HSPG2: variants seen among roughly 807,000 people sequenced by gnomAD.
HSPG2 encodes the protein basement membrane-specific heparan sulfate proteoglycan core protein.
A neutral mutation model predicts 526.6 loss-of-function variants in HSPG2; 278 were observed. The observed-to-expected ratio is 0.53, with a 90% CI of 0.48 to 0.58. The LOEUF is 0.58. HSPG2 is among the 20% of genes least tolerant of loss of function. HSPG2 has a pLI of 0.00. For synonymous variants in HSPG2, 2,465 were observed against 2,555.4 expected (o/e 0.96, Z 1.07); for missense variants, 5,354 against 6,099.5 (o/e 0.88, Z 4.07).
At chr1:21,825,397 C>T (rs1038818064) in intron 91 of HSPG2, among the ~76,000 whole-genome samples, 14 of 152,214 alleles carry the variant, frequency 9.2e-5, no homozygotes, top group Admixed American at 7.9e-4. Flanking sequence ...ACCCCTCAGT[C>T]CGGAGCTACT....
At position 21,905,460 on chromosome 1, in the gene HSPG2, G is replaced by A. The variant is rs368015993; in HGVS notation, c.64-9150C>T. On this transcript the variant is annotated intron_variant, in intron 1 of 96. Coordinates refer to ENST00000374695, the MANE Select transcript of HSPG2 (RefSeq NM_005529.7). The stretch of plus-strand genomic sequence containing the variant: ...TTTGCTCCAATGTCACCTTTCAGCC[G>A]CGCATGGTCGGTGCCTCACGCCTAT... 3.9e-5 allele frequency among the ~76,000 whole-genome samples: 6 copies of A among 152,198 alleles called. No homozygotes were observed. The East Asian group carries it at 9.6e-4, about 24-fold the overall frequency.
At chr1:21,851,398 T>G in intron 55 of HSPG2, 148 bp downstream of exon 55, 1 of 1,163,752 alleles carries the variant, frequency 8.6e-7, no homozygotes, top group Non-Finnish European at 1.2e-6. Context: ...CAGTCCTAGA[T>G]TCTGGTTTCT....
intron 1 of HSPG2, chr1:21,908,589 T>TAAA: frequency 1.8e-6 from 1 of 568,418 alleles, no homozygotes; most frequent in Non-Finnish European, 3.1e-6. Flanking sequence ...AATAGGTATT[T>TAAA]AAAAAAAAAA....
intron 64 of HSPG2, among the ~76,000 whole-genome samples, chr1:21,845,675 G>C (rs765956608): frequency 2.0e-5 from 3 of 152,120 alleles, no homozygotes; most frequent in Admixed American, 6.6e-5. Context: ...TACCACACCG[G>C]CTCTAATAAA....
intron 39 of HSPG2, 123 bp from the exon 40 acceptor site, chr1:21,860,358 G>T (rs1639693237): frequency 1.2e-6 from 1 of 859,166 alleles, no homozygotes; most frequent in Non-Finnish European, 1.9e-6. Context: ...CGGAGCTCTG[G>T]AAGCACTTTG....
intron 1 of HSPG2, among the ~76,000 whole-genome samples, chr1:21,910,650 C>T (rs1306314570): frequency 6.6e-6 from 1 of 152,150 alleles, no homozygotes; most frequent in Non-Finnish European, 1.5e-5. Context: ...GCACCTGGCA[C>T]ACAGTAGGTG....
At chr1:21,899,461 G>C (rs1303367472) in intron 1 of HSPG2, among the ~76,000 whole-genome samples, 2 of 152,088 alleles carry the variant, frequency 1.3e-5, no homozygotes, top group African/African-American at 2.4e-5. Flanking sequence ...AGGTCTTATG[G>C]GGCTCCACTG....
rs767467512 is a variant in HSPG2, at chr1:21,824,334, C to G, written c.12787G>C (p.Gly4263Arg). The change falls in exon 94 of 97, where the codon GGG (glycine) becomes CGG (arginine). Residue 4263 changes from glycine to arginine, a missense_variant. Transcript: ENST00000374695. This position sits in a 1 kb window ranked among gnomAD's most constrained non-coding sequence, Gnocchi z 5.9. Reference sequence around the variant, plus strand: ...AAGACAAGGTGCCCGTCTTGAAGCCCGAGGCTGATGAAGTCCTTGCCTTGG... The same window carrying G: ...AAGACAAGGTGCCCGTCTTGAAGCCGGAGGCTGATGAAGTCCTTGCCTTGG... ...AGQGKDFISL[G>R]LQDGHLVFRY... is the part of the protein sequence containing the mutation. 1 of 1,613,878 alleles carries G rather than the reference C, an allele frequency of 6.2e-7. No homozygotes were observed. Among genetic ancestry groups the G allele is most frequent in the South Asian group, 1.1e-5 (1 of 91,086 alleles).
rs2152781039 is a variant in HSPG2 at position 21,904,723 on chromosome 1, C to T, written c.64-8413G>A. Among the ~76,000 whole-genome samples, 1 of 152,296 alleles carries T rather than the reference C, an allele frequency of 6.6e-6. No homozygotes were observed. Among genetic ancestry groups the T allele is most frequent in the South Asian group, 2.1e-4 (1 of 4,832 alleles). On this transcript the variant is annotated intron_variant, in intron 1 of 96. Transcript: ENST00000374695. This position sits in a 1 kb window ranked among gnomAD's most constrained non-coding sequence, Gnocchi z 4.4. The stretch of plus-strand genomic sequence containing the variant: ...CGGGAACAGCTTCTGGACTGGGCTG[C>T]CCAGCAAGAAGGTCCCTGGGGGTCG...
At chr1:21,917,403 A>G (rs771006716) in intron 1 of HSPG2, among the ~76,000 whole-genome samples, 1 of 151,796 alleles carries the variant, frequency 6.6e-6, no homozygotes, top group Non-Finnish European at 1.5e-5. Context: ...ACTGCATTCC[A>G]GCCTGGGTGA....
chr1:21,832,373 G>T, intron 81 of HSPG2, 122 bp downstream of exon 81: 1 of 815,022 alleles, frequency 1.2e-6, no homozygotes, highest in Non-Finnish European at 2.1e-6. Flanking sequence ...GGTCACCAAG[G>T]GTAACGGCCA....
chr1:21,917,063 C>T (rs1047146623), intron 1 of HSPG2, among the ~76,000 whole-genome samples: 4 of 152,222 alleles, frequency 2.6e-5, no homozygotes, highest in African/African-American at 4.8e-5. Flanking sequence ...ATTCTGTCAG[C>T]TACACCAGTT....
intron 52 of HSPG2, 121 bp downstream of exon 52, chr1:21,852,579 G>A: frequency 7.2e-7 from 1 of 1,387,226 alleles, no homozygotes; most frequent in Non-Finnish European, 1.0e-6. Flanking sequence ...CCTGGGCAGG[G>A]CCCTGCAGCC....
chr1:21,835,481 C>T (rs939045847), intron 76 of HSPG2, 59 bp downstream of exon 76: 2 of 1,128,884 alleles, frequency 1.8e-6, no homozygotes, highest in African/African-American at 1.5e-5. Context: ...CCTTGTGCCT[C>T]TCTGCCTTTC....
chr1:21,833,598 G>A lies in HSPG2; in HGVS notation c.10847C>T (p.Pro3616Leu). The change falls in exon 79 of 97, where the codon CCA (proline) becomes CTA (leucine). Residue 3616 changes from proline to leucine, a missense_variant. By Grantham distance (98) the Pro-to-Leu change is moderately conservative. Transcript: ENST00000374695. ...ISWSKLDGSL[P>L]PDSRLENNML... ...GTTGTTCTCCAGGCGGCTGTCAGGT[G>A]GCAGGCTGCCATCCAGCTGCAAATG... is the stretch of plus-strand genomic sequence containing the variant. 6.2e-7 allele frequency: 1 copy of A among 1,614,116 alleles called. No homozygotes were observed. The highest frequency in any genetic ancestry group is 8.5e-7 in the Non-Finnish European group (1 of 1,180,008).
At position 21,823,409 on chromosome 1, in the gene HSPG2, C is replaced by T. The variant is rs1272238290; in HGVS notation, c.13083G>A (p.Leu4361=). 1.9e-6 allele frequency: 3 copies of T among 1,578,790 alleles called. No homozygotes were observed. In the South Asian group the frequency reaches 3.4e-5, roughly 18 times the overall value. ...GCGGGGCGCCGGGTCGGGCCGAGTGCAGCACCAGGTTCTTGACACAGCCTG... is the reference window on the plus strand; with the variant it reads ...GCGGGGCGCCGGGTCGGGCCGAGTGTAGCACCAGGTTCTTGACACAGCCTG... The part of the protein sequence containing the change: ...GITGCVKNLV[L]HSARPGAPPP... Residue 4361 remains leucine, a synonymous_variant, in exon 97 of 97, where the codon CTG becomes CTA. Transcript: ENST00000374695.
chr1:21,922,673 G>A (rs971082233), intron 1 of HSPG2, among the ~76,000 whole-genome samples: 40 of 152,134 alleles, frequency 2.6e-4, no homozygotes, highest in African/African-American at 8.4e-4. Context: ...TGAAGCCAAC[G>A]TAAGGTGGAG....
At chr1:21,840,746 C>A (rs1258436984) in intron 71 of HSPG2, among the ~76,000 whole-genome samples, 1 of 152,160 alleles carries the variant, frequency 6.6e-6, no homozygotes, top group East Asian at 1.9e-4. Flanking sequence ...CCTGCCTCAG[C>A]CTCTCCAAGT....
chr1:21,829,188 GT>G, intron 87 of HSPG2, 109 bp from the exon 88 acceptor site: 23 of 1,457,388 alleles, frequency 1.6e-5, no homozygotes, highest in Non-Finnish European at 2.1e-5. Flanking sequence ...ACAGCCTTCT[GT>G]ATTCCAGATG....
Sources: gnomAD v4.1 joint callset for allele counts (sites outside exome capture counted in the v4.1 genomes callset) on GRCh38, gnomAD v4.1.1 for gene constraint, Gnocchi (gnomAD v3.1) non-coding constraint, MANE v1.5 for transcripts, NCBI Gene and HGNC (gene_info 2026-07-23, HGNC 2026-07-21) for gene names.